The following CLCN4 variants were observed in gnomAD, a reference collection of about 807,000 sequenced individuals.
CLCN4 encodes H(+)/Cl(-) exchange transporter 4.
Under a neutral mutation model 41.7 loss-of-function variants are expected in CLCN4, and 1 was observed. The observed-to-expected ratio is 0.02, with a 90% CI of 0.01 to 0.11. The LOEUF (loss-of-function observed/expected upper bound fraction) is 0.11. Ranked by LOEUF, CLCN4 falls within the 10% of genes least tolerant of loss-of-function variation. The probability of loss-of-function intolerance (pLI) is 1.00; values close to 1 mark genes in which losing one functional copy is unlikely to be tolerated. For synonymous variants in CLCN4, 277 were observed against 285.8 expected, an observed-to-expected ratio of 0.97 and a Z score of 0.31; for missense variants, 287 against 661.0, an observed-to-expected ratio of 0.43 and a Z score of 6.20.
At chrX:10,226,939 T>C (rs1178611613) in intron 12 of CLCN4, among the ~76,000 whole-genome samples, 1 of 110,373 alleles carries the variant, frequency 9.1e-6, no homozygotes, top group African/African-American at 3.3e-5. Context: ...ACCAGACAGA[T>C]TTACAGCTGA....
chrX:10,221,597 C>A (rs1442976797), intron 12 of CLCN4, among the ~76,000 whole-genome samples: 2 of 112,061 alleles, frequency 1.8e-5, no homozygotes, highest in African/African-American at 6.5e-5. Context: ...CTGCAGTGGC[C>A]CAGGATTGCA....
rs150714643 is a variant in CLCN4, at chrX:10,196,962, G to A, written c.433-977G>A. ...GTATTTCTTAGTCCGATTTCTCACCGCATAGGGTGTGAATATATGTGCTTG... is the reference window on the plus strand; with the variant it reads ...GTATTTCTTAGTCCGATTTCTCACCACATAGGGTGTGAATATATGTGCTTG... On this transcript the variant is annotated intron_variant, in intron 5 of 12. Coordinates refer to ENST00000380833, the MANE Select transcript of CLCN4 (RefSeq NM_001830.4). 1.9e-3 allele frequency among the ~76,000 whole-genome samples: 216 copies of A among 112,366 alleles called. 1 individual carries two copies. Among genetic ancestry groups the A allele is most frequent in the African/African-American group, 6.2e-3 (193 of 30,960 alleles).
At chrX:10,229,364 A>G (rs1925065243) in intron 12 of CLCN4, among the ~76,000 whole-genome samples, 1 of 108,825 alleles carries the variant, frequency 9.2e-6, no homozygotes, top group East Asian at 2.8e-4. Flanking sequence ...GTGTATATTT[A>G]TGGAACACAT....
At chrX:10,178,463 A>G (rs1483627225) in intron 2 of CLCN4, among the ~76,000 whole-genome samples, 1 of 111,702 alleles carries the variant, frequency 9.0e-6, no homozygotes, top group Non-Finnish European at 1.9e-5. Flanking sequence ...GACTTCCCCC[A>G]GGTAATCCAG....
intron 6 of CLCN4, among the ~76,000 whole-genome samples, chrX:10,204,611 G>GTTTTTTTTTTT (rs1307394281): frequency 2.5e-4 from 5 of 19,685 alleles, no homozygotes; most frequent in Admixed American, 1.8e-3. Flanking sequence ...AAAGCTAGTA[G>GTTTTTTTTTTT]TCTTTTTTTT....
intron 9 of CLCN4, among the ~76,000 whole-genome samples, chrX:10,210,707 G>A (rs1394421927): frequency 5.2e-5 from 5 of 96,409 alleles, no homozygotes; most frequent in Admixed American, 1.2e-4. Context: ...CCAGGCTGGA[G>A]TGCAGTGGCA....
intron 6 of CLCN4, among the ~76,000 whole-genome samples, chrX:10,200,820 C>T (rs1273035525): frequency 8.9e-6 from 1 of 111,796 alleles, no homozygotes; most frequent in Non-Finnish European, 1.9e-5. Flanking sequence ...TCCTGAGTAG[C>T]TGAGACTATA....
intron 2 of CLCN4, among the ~76,000 whole-genome samples, chrX:10,172,767 A>T (rs188923071): frequency 1.6e-4 from 18 of 111,345 alleles, no homozygotes; most frequent in Non-Finnish European, 2.6e-4. Context: ...CTAATCTTTC[A>T]GTTCTGAGCA....
chrX:10,188,770 G>A (rs1023992539), intron 4 of CLCN4, among the ~76,000 whole-genome samples: 1 of 112,275 alleles, frequency 8.9e-6, no homozygotes, highest in African/African-American at 3.2e-5. Flanking sequence ...GAACACAAAT[G>A]GGGCACAGAT....
intron 2 of CLCN4, among the ~76,000 whole-genome samples, chrX:10,181,481 C>G (rs1782653793): frequency 8.9e-6 from 1 of 112,195 alleles, no homozygotes; most frequent in South Asian, 3.7e-4. Flanking sequence ...TAGGGTGAAA[C>G]AGAACAGGGT....
chrX:10,180,723 C>T (rs768667518), intron 2 of CLCN4, among the ~76,000 whole-genome samples: 2 of 89,642 alleles, frequency 2.2e-5, no homozygotes, highest in African/African-American at 8.7e-5. Context: ...GCTGATATTG[C>T]GCCATTGCAC....
chrX:10,227,237 G>T (rs187624368), intron 12 of CLCN4, among the ~76,000 whole-genome samples: 4 of 111,417 alleles, frequency 3.6e-5, no homozygotes, highest in Admixed American at 1.9e-4. Context: ...GGGGTGCAAG[G>T]CTGGTTCAAC....
At position 10,157,388 on chromosome X, in the gene CLCN4, T is replaced by C. The variant is rs1170967444; in HGVS notation, c.-275+288T>C. On this transcript the variant is annotated intron_variant, in intron 1 of 12. Transcript: ENST00000380833. The stretch of plus-strand genomic sequence containing the variant: ...CCTGCTTGTAAAACAATCTATTTCA[T>C]GTCTCCTTCAGGGCTGTGAGCAAAG... Among the ~76,000 whole-genome samples, 5 of 112,254 alleles carry C rather than the reference T, an allele frequency of 4.5e-5. No individual in the cohort carries two copies. The South Asian group carries it at 1.8e-3, about 41-fold the overall frequency.
intron 2 of CLCN4, among the ~76,000 whole-genome samples, chrX:10,170,040 G>T (rs1251845174): frequency 9.0e-6 from 1 of 110,865 alleles, no homozygotes; most frequent in Non-Finnish European, 1.9e-5. Context: ...CACCTGCCTC[G>T]GCCTCCCAAA....
At chrX:10,195,218 G>T in intron 5 of CLCN4, 120 bp downstream of exon 5, 6 of 695,868 alleles carry the variant, frequency 8.6e-6, no homozygotes, top group Non-Finnish European at 1.3e-5. Context: ...TCTGAAGTTC[G>T]TGGCTTAACA....
intron 2 of CLCN4, among the ~76,000 whole-genome samples, chrX:10,179,808 T>C (rs1257814716): frequency 8.9e-6 from 1 of 112,609 alleles, no homozygotes; most frequent in Non-Finnish European, 1.9e-5. Flanking sequence ...CATTCCGTCT[T>C]CTTCACAGCA....
chrX:10,221,645 G>A (rs772405428), intron 12 of CLCN4, among the ~76,000 whole-genome samples: 13 of 112,327 alleles, frequency 1.2e-4, no homozygotes. Flanking sequence ...ATGAGACCCT[G>A]TCTTGTAAAA....
At chrX:10,158,589 C>T (rs1362772281) in intron 2 of CLCN4, 38 bp downstream of exon 2, 3 of 280,656 alleles carry the variant, frequency 1.1e-5, no homozygotes, top group Admixed American at 1.3e-4. Flanking sequence ...CTCCCCGGCG[C>T]CCCCGGCAGC....
At chrX:10,197,792 TG>T in intron 5 of CLCN4, 146 bp from the exon 6 acceptor site, 2 of 599,197 alleles carry the variant, frequency 3.3e-6, no homozygotes, top group Non-Finnish European at 5.3e-6. Flanking sequence ...AAACCTACGC[TG>T]GCCTTTTGGT....
Sources: allele counts gnomAD v4.1 joint callset (sites outside exome capture counted in the v4.1 genomes callset), GRCh38; gene constraint gnomAD v4.1.1; transcripts MANE v1.5; gene names NCBI Gene and HGNC (gene_info 2026-07-23, HGNC 2026-07-21).